ULK4: variants seen among roughly 807,000 people sequenced by gnomAD.
ULK4 encodes unc-51 like kinase 4.
In ULK4, 133 loss-of-function variants were observed where a neutral mutation model predicts 160.6. That is an observed-to-expected ratio of 0.83 (90% CI 0.72 to 0.96). The LOEUF (loss-of-function observed/expected upper bound fraction) is 0.96, where lower values mean the gene tolerates loss of function less well. Ranked by LOEUF, ULK4 falls within the 40% of genes least tolerant of loss-of-function variation. The probability of loss-of-function intolerance (pLI) is 0.00; values close to 1 mark genes in which losing one functional copy is unlikely to be tolerated. For synonymous variants in ULK4, 534 were observed against 539.8 expected (o/e 0.99, Z 0.15); for missense variants, 1,580 against 1,499.5 (o/e 1.05, Z -0.89).
At chr3:41,961,714 T>C (rs1700680305) in intron 1 of ULK4, among the ~76,000 whole-genome samples, 1 of 152,144 alleles carries the variant, frequency 6.6e-6, no homozygotes, top group African/African-American at 2.4e-5. Context: ...AGTTAAGAGA[T>C]GGCGTCCATA....
intron 35 of ULK4, among the ~76,000 whole-genome samples, chr3:41,360,757 G>T (rs2081126755): frequency 1.3e-5 from 2 of 152,086 alleles, no homozygotes; most frequent in African/African-American, 2.4e-5. Flanking sequence ...CACACATTGG[G>T]GCCTGTCAGA....
chr3:41,355,907 G>A (rs528936431), intron 35 of ULK4, among the ~76,000 whole-genome samples: 1 of 152,174 alleles, frequency 6.6e-6, no homozygotes, highest in African/African-American at 2.4e-5. Flanking sequence ...GAAAGAGCTA[G>A]CTTAAAAATG....
chr3:41,659,672 T>TAAA (rs34768898), intron 30 of ULK4, among the ~76,000 whole-genome samples: 1 of 145,182 alleles, frequency 6.9e-6, no homozygotes, highest in Non-Finnish European at 1.5e-5. Flanking sequence ...TTGGCCATAT[T>TAAA]AAAAAAAAAA....
intron 35 of ULK4, among the ~76,000 whole-genome samples, chr3:41,383,360 A>G (rs2125797423): frequency 6.6e-6 from 1 of 152,240 alleles, no homozygotes; most frequent in Middle Eastern, 3.4e-3. Flanking sequence ...CGGCCTCCCA[A>G]AGTGCTAGGA....
chr3:41,376,057 G>A (rs1288172689), intron 35 of ULK4, among the ~76,000 whole-genome samples: 1 of 150,436 alleles, frequency 6.6e-6, no homozygotes, highest in Non-Finnish European at 1.5e-5. Flanking sequence ...GGTCATTAGA[G>A]AAATGCAAAT....
At chr3:41,808,808 C>A (rs1159723104) in intron 19 of ULK4, among the ~76,000 whole-genome samples, 2 of 152,150 alleles carry the variant, frequency 1.3e-5, no homozygotes, top group African/African-American at 2.4e-5. Flanking sequence ...GCCGTCAGGG[C>A]AAACACCAGT....
intron 32 of ULK4, among the ~76,000 whole-genome samples, chr3:41,476,605 A>C (rs532065464): frequency 2.0e-5 from 3 of 151,680 alleles, no homozygotes; most frequent in Non-Finnish European, 4.4e-5. Context: ...ACATTAAGCC[A>C]TTCCTTTTTT....
At chr3:41,633,266 T>C (rs951378804) in intron 30 of ULK4, among the ~76,000 whole-genome samples, 1 of 152,110 alleles carries the variant, frequency 6.6e-6, no homozygotes, top group Non-Finnish European at 1.5e-5. Flanking sequence ...CCAAGAACAG[T>C]TAGTGGGTTT....
At chr3:41,746,943 C>G (rs1159905796) in intron 22 of ULK4, among the ~76,000 whole-genome samples, 1 of 151,854 alleles carries the variant, frequency 6.6e-6, no homozygotes, top group Non-Finnish European at 1.5e-5. Context: ...ATTAAATATC[C>G]ACAGGCAAAA....
intron 21 of ULK4, among the ~76,000 whole-genome samples, chr3:41,767,769 G>T (rs1021495659): frequency 2.0e-5 from 3 of 152,250 alleles, no homozygotes; most frequent in South Asian, 4.1e-4. Context: ...CTTTCCTACA[G>T]CTGGTAGGAA....
At chr3:41,403,401 C>T (rs1350300848) in intron 34 of ULK4, among the ~76,000 whole-genome samples, 1 of 152,130 alleles carries the variant, frequency 6.6e-6, no homozygotes, top group Admixed American at 6.5e-5. Flanking sequence ...CACAGCATTC[C>T]CTTATTATTC....
intron 32 of ULK4, among the ~76,000 whole-genome samples, chr3:41,511,979 A>G (rs1193382290): frequency 6.6e-6 from 1 of 152,198 alleles, no homozygotes; most frequent in Admixed American, 6.5e-5. Flanking sequence ...TTTAACATAC[A>G]TGAGTCAATA....
At chr3:41,771,760 A>C (rs2039388109) in intron 21 of ULK4, among the ~76,000 whole-genome samples, 1 of 152,206 alleles carries the variant, frequency 6.6e-6, no homozygotes, top group South Asian at 2.1e-4. Flanking sequence ...CAAAGAAAAA[A>C]CGTAAAACAT....
At chr3:41,368,096 G>A (rs1406348186) in intron 35 of ULK4, among the ~76,000 whole-genome samples, 3 of 151,284 alleles carry the variant, frequency 2.0e-5, no homozygotes, top group South Asian at 4.2e-4. Context: ...TGCCCAGACT[G>A]GAGTGCAGTG....
chr3:41,766,725 G>T (rs1322993465), intron 21 of ULK4: 1 of 152,206 alleles, frequency 6.6e-6, no homozygotes, highest in Admixed American at 6.5e-5. Context: ...AGGGAGCATA[G>T]CTACCTGTAT....
At chr3:41,749,420 C>CT (rs1281732143) in intron 22 of ULK4, among the ~76,000 whole-genome samples, 1 of 151,770 alleles carries the variant, frequency 6.6e-6, no homozygotes, top group Non-Finnish European at 1.5e-5. Flanking sequence ...GAGGCAGAGG[C>CT]TGCAGTGAGC....
intron 32 of ULK4, among the ~76,000 whole-genome samples, chr3:41,519,394 C>T (rs1043796151): frequency 6.6e-6 from 1 of 152,200 alleles, no homozygotes; most frequent in Non-Finnish European, 1.5e-5. Flanking sequence ...TCCTACTTGC[C>T]TCACTACCGT....
At chr3:41,657,835 A>AAAAAAAAAAAAAAAC (rs2035000764) in intron 30 of ULK4, among the ~76,000 whole-genome samples, 1 of 142,514 alleles carries the variant, frequency 7.0e-6, no homozygotes, top group Non-Finnish European at 1.6e-5. Flanking sequence ...AAAAAAAAAA[A>AAAAAAAAAAAAAAAC]CACACACCAC....
chr3:41,674,812 A>C (rs1344085469), intron 29 of ULK4, among the ~76,000 whole-genome samples: 1 of 152,182 alleles, frequency 6.6e-6, no homozygotes, highest in Non-Finnish European at 1.5e-5. Context: ...AAATACAGGT[A>C]CCTTAACGCA....
Sources: gnomAD v4.1 joint callset for allele counts (sites outside exome capture counted in the v4.1 genomes callset) on GRCh38, gnomAD v4.1.1 for gene constraint, MANE v1.5 for transcripts, NCBI Gene and HGNC (gene_info 2026-07-23, HGNC 2026-07-21) for gene names.